The following GRAP2 variants were observed in gnomAD, a reference collection of about 807,000 sequenced individuals.
The protein encoded by GRAP2 is GRB2 related adaptor protein 2.
A neutral mutation model predicts 43.5 loss-of-function variants in GRAP2; 31 were observed. The observed-to-expected ratio is 0.71, with a 90% CI of 0.54 to 0.96. The LOEUF (loss-of-function observed/expected upper bound fraction) is 0.96. GRAP2 is among the 40% of genes least tolerant of loss of function. The probability of loss-of-function intolerance (pLI) is 0.00; values close to 1 mark genes in which losing one functional copy is unlikely to be tolerated. For synonymous variants in GRAP2, 156 were observed against 164.8 expected (o/e 0.95, Z 0.41); for missense variants, 371 against 424.4 (o/e 0.87, Z 1.11).
At chr22:39,935,796 C>T (rs1379765347) in intron 1 of GRAP2, among the ~76,000 whole-genome samples, 1 of 152,128 alleles carries the variant, frequency 6.6e-6, no homozygotes, top group Admixed American at 6.5e-5. Flanking sequence ...GTGGTCATGC[C>T]GTCCTCTGCT....
intron 1 of GRAP2, among the ~76,000 whole-genome samples, chr22:39,927,061 G>A (rs12166465): frequency 0.15 from 22,419 of 152,148 alleles, 2,781 homozygotes; most frequent in African/African-American, 0.33. Flanking sequence ...AGAGAAACTT[G>A]TCTCTTCTCA....
chr22:39,921,924 G>T (rs1409230763), intron 1 of GRAP2, among the ~76,000 whole-genome samples: 4 of 152,030 alleles, frequency 2.6e-5, no homozygotes, highest in Admixed American at 2.6e-4. Flanking sequence ...TCCAGCCTAA[G>T]CCTCCCCAAA....
intron 1 of GRAP2, among the ~76,000 whole-genome samples, chr22:39,913,964 C>CAAACTG (rs1239497539): frequency 6.6e-6 from 1 of 152,126 alleles, no homozygotes. Flanking sequence ...ATAAAGAACA[C>CAAACTG]AAACTGCCGT....
At chr22:39,919,076 T>G (rs1159203967) in intron 1 of GRAP2, among the ~76,000 whole-genome samples, 1 of 152,122 alleles carries the variant, frequency 6.6e-6, no homozygotes, top group Non-Finnish European at 1.5e-5. Context: ...AGTTCAAGGC[T>G]ACAGTGAGCC....
At chr22:39,949,479 CTCTG>C (rs2066958879) in intron 2 of GRAP2, among the ~76,000 whole-genome samples, 1 of 152,240 alleles carries the variant, frequency 6.6e-6, no homozygotes, top group African/African-American at 2.4e-5. Context: ...CTGGACAGAA[CTCTG>C]TCTGACTCCT....
intron 1 of GRAP2, among the ~76,000 whole-genome samples, chr22:39,942,545 G>A (rs1601717508): frequency 6.6e-6 from 1 of 151,822 alleles, no homozygotes; most frequent in Non-Finnish European, 1.5e-5. Flanking sequence ...AGAACTCCAG[G>A]AAGCTGAGGC....
chr22:39,959,736 G>A (rs979513407), intron 3 of GRAP2, among the ~76,000 whole-genome samples: 2 of 152,130 alleles, frequency 1.3e-5, no homozygotes, highest in Admixed American at 6.5e-5. Context: ...GCCGGCAGGC[G>A]GCTGCTTCCT....
chr22:39,956,854 G>A (rs556166594), intron 3 of GRAP2, among the ~76,000 whole-genome samples: 1 of 152,108 alleles, frequency 6.6e-6, no homozygotes, highest in African/African-American at 2.4e-5. Context: ...TTCCAAAGGG[G>A]ACGCTATTGG....
chr22:39,929,582 G>A (rs904469737), intron 1 of GRAP2, among the ~76,000 whole-genome samples: 4 of 152,150 alleles, frequency 2.6e-5, no homozygotes, highest in African/African-American at 9.7e-5. Context: ...TCAAAGGGGA[G>A]ATGCGTCTCC....
chr22:39,951,714 A>G (rs1261407006), intron 2 of GRAP2, among the ~76,000 whole-genome samples: 4 of 152,196 alleles, frequency 2.6e-5, no homozygotes, highest in African/African-American at 4.8e-5. Context: ...AGAGATGAGA[A>G]GAACAGGAAG....
rs1457042105 is a variant in GRAP2, at chr22:39,947,535, C to T, written c.78+351C>T. 2.8e-5 allele frequency: 7 copies of T among 245,682 alleles called. No homozygotes were observed. The East Asian group carries it at 5.7e-4, about 20-fold the overall frequency. The allele number at this position is 245,682 out of a possible 1,614,324, so 15.2% of individuals were successfully genotyped here. A position where few individuals can be genotyped will look rare whatever the true frequency, so the allele number is the denominator to read the frequency against. On this transcript the variant is annotated intron_variant, in intron 2 of 7. Coordinates refer to ENST00000344138, the MANE Select transcript of GRAP2 (RefSeq NM_004810.4). ...GTTGTAGGAGTGTGTGCAATGTGAA[C>T]GTCAGGAATGCACTGAAGGTGACTT...
At chr22:39,917,790 TA>T (rs1181216886) in intron 1 of GRAP2, among the ~76,000 whole-genome samples, 20 of 152,274 alleles carry the variant, frequency 1.3e-4, no homozygotes, top group Admixed American at 6.5e-4. Flanking sequence ...TTAATGGCAT[TA>T]GGGGGAAAGT....
intron 1 of GRAP2, among the ~76,000 whole-genome samples, chr22:39,916,032 G>A (rs1178675407): frequency 1.3e-5 from 2 of 151,982 alleles, no homozygotes; most frequent in Non-Finnish European, 1.5e-5. Flanking sequence ...CCCTCTCATC[G>A]CCACCTTCCC....
intron 1 of GRAP2, among the ~76,000 whole-genome samples, chr22:39,930,809 G>A (rs1355572194): frequency 6.6e-6 from 1 of 151,962 alleles, no homozygotes; most frequent in African/African-American, 2.4e-5. Context: ...AACCAGTTGG[G>A]TCCCCAACTC....
At chr22:39,905,620 G>A (rs149790664) in intron 1 of GRAP2, among the ~76,000 whole-genome samples, 36 of 152,290 alleles carry the variant, frequency 2.4e-4, no homozygotes, top group Non-Finnish European at 4.1e-4. Flanking sequence ...TATTTGCCAA[G>A]CATTGTTCTA....
chr22:39,899,704 C>T (rs774413986), upstream of GRAP2, among the ~76,000 whole-genome samples: 23 of 152,054 alleles, frequency 1.5e-4, no homozygotes, highest in Non-Finnish European at 2.6e-4. Flanking sequence ...GCTACAGGGC[C>T]GGGTGCGGTG....
At chr22:39,965,846 T>G (rs2067166825) in intron 4 of GRAP2, 144 bp from the exon 5 acceptor site, 1 of 712,090 alleles carries the variant, frequency 1.4e-6, no homozygotes, top group Admixed American at 2.4e-5. Flanking sequence ...CTGACTGGGC[T>G]GGCCCACCTG....
At chr22:39,911,687 C>T (rs2066568118) in intron 1 of GRAP2, among the ~76,000 whole-genome samples, 1 of 152,106 alleles carries the variant, frequency 6.6e-6, no homozygotes, top group Non-Finnish European at 1.5e-5. Context: ...CATTCTAATG[C>T]ACATTGTGAT....
intron 1 of GRAP2, among the ~76,000 whole-genome samples, chr22:39,919,045 G>A (rs1297341763): frequency 6.6e-6 from 1 of 152,120 alleles, no homozygotes; most frequent in Non-Finnish European, 1.5e-5. Context: ...TTGGGGCCCA[G>A]GATAATCACT....
Sources: allele counts gnomAD v4.1 joint callset (sites outside exome capture counted in the v4.1 genomes callset), GRCh38; gene constraint gnomAD v4.1.1; transcripts MANE v1.5; gene names NCBI Gene and HGNC (gene_info 2026-07-23, HGNC 2026-07-21).